The following RECQL4 variants were observed in gnomAD, a reference collection of about 807,000 sequenced individuals.
The protein encoded by RECQL4 is ATP-dependent DNA helicase Q4.
RECQL4 carries 158 observed loss-of-function variants against 128.6 expected under a neutral mutation model. The observed-to-expected ratio is 1.23, with a 90% CI of 1.08 to 1.40. The LOEUF is 1.40. RECQL4 is among the 40% of genes most tolerant of loss of function. The probability of loss-of-function intolerance (pLI) is 0.00; values close to 1 mark genes in which losing one functional copy is unlikely to be tolerated. For missense variants in RECQL4, 2,293 were observed against 1,649.8 expected (o/e 1.39, Z -6.75); for synonymous variants, 996 against 678.9 (o/e 1.47, Z -7.26).
chr8:144,515,494 G>A (rs763511491), intron 6 of RECQL4, 37 bp from the exon 7 acceptor site: 2 of 1,611,958 alleles, frequency 1.2e-6, no homozygotes, highest in Admixed American at 1.7e-5. Context: ...GGGAGCTCCA[G>A]GTCGGGCAAG....
In RECQL4 at chr8:144,517,454, C is replaced by T. The variant is rs1008942429; in HGVS notation, c.173G>A (p.Gly58Glu). The T allele has an allele frequency of 6.3e-7, 1 of 1,594,180 alleles. No homozygotes were observed. The highest frequency in any genetic ancestry group is 1.3e-5 in the African/African-American group (1 of 74,818). ...GGGGAGCGACTCGGAGCTGCGGAGC[C>T]CGCCGCCGGCCTGGCCCGTGGTACG... ...LKRTTGQAGGGLRSSESLPAA... is the reference protein window; with the variant it reads ...LKRTTGQAGGELRSSESLPAA... Residue 58 changes from glycine (G) to glutamate (E), a missense_variant, in exon 3 of 21, where the codon GGG becomes GAG. By Grantham distance (98) the Gly-to-Glu change is moderately conservative. Transcript: ENST00000617875.
intron 12 of RECQL4, 80 bp from the exon 13 acceptor site, chr8:144,513,792 GTGGGGA>G (rs1827723391): frequency 9.1e-6 from 10 of 1,094,148 alleles, no homozygotes; most frequent in Admixed American, 7.3e-5. Context: ...AGGGGTCGGC[GTGGGGA>G]GTGAGGAGGG....
rs758790200 is a variant in RECQL4 at position 144,513,409 on chromosome 8, G to C, written c.2272C>G (p.Arg758Gly). ...MCSRERRRVQ[R>G]AFMQGQLRVV... ...CGCAACTGGCCCTGCATGAAGGCTC[G>C]CTGTACCCGCCGCCGTTCCCGGCTG... is the stretch of plus-strand genomic sequence containing the variant. Residue 758 changes from arginine to glycine, a missense_variant, in exon 14 of 21, where the codon CGA becomes GGA. Coordinates refer to ENST00000617875, the MANE Select transcript of RECQL4 (RefSeq NM_004260.4). The C allele has an allele frequency of 1.9e-6, 3 of 1,608,626 alleles. No homozygotes were observed. The highest frequency in any genetic ancestry group is 2.5e-6 in the Non-Finnish European group (3 of 1,179,712).
At position 144,515,428 on chromosome 8, in the gene RECQL4, G is replaced by A. The variant is rs773561522; in HGVS notation, c.1288C>T (p.Pro430Ser). 18 of 1,612,694 alleles carry A rather than the reference G, an allele frequency of 1.1e-5. No homozygotes were observed. The highest frequency in any genetic ancestry group is 5.3e-5 in the African/African-American group (4 of 74,930). ...TGTGGTGAAGGAACCAGTGGCTCAG[G>A]CCCAACAGCATCTGTGTCTTCCTCA... ...ASEEDTDAVG[P>S]EPLVPSPQPV... The change falls in exon 7 of 21, where the codon CCT becomes TCT. Residue 430 changes from proline (P) to serine (S), a missense_variant. Transcript: ENST00000617875.
At position 144,517,356 on chromosome 8, in the gene RECQL4, C is replaced by T. The variant is rs1240363812; in HGVS notation, c.213+58G>A. 3 of 1,502,338 alleles carry T rather than the reference C, an allele frequency of 2.0e-6. No homozygotes were observed. The South Asian group carries it at 3.7e-5, about 19-fold the overall frequency. The allele number at this position is 1,502,338 out of a possible 1,614,324, so 93.1% of individuals were successfully genotyped here. On this transcript the variant is annotated intron_variant, in intron 3 of 20. Transcript: ENST00000617875. ...GCGGCCTGGCCGCGACTCCGTGGCT[C>T]CCGCCACTCCGCCAAACAGGGAAGT...
rs753386714 is a variant in RECQL4, at chr8:144,513,331, G to C, written c.2350C>G (p.Arg784Gly). The change falls in exon 14 of 21, where the codon CGG becomes GGG. Residue 784 changes from arginine to glycine, a missense_variant. Arg to Gly is a moderately radical substitution (Grantham distance 125). Coordinates refer to ENST00000617875, the MANE Select transcript of RECQL4 (RefSeq NM_004260.4). ...GGCAGCCCCAGATGCAGCACAGCCC[G>C]CACATCTGGCCGGTCCAGCCCCATC... Reference protein sequence around the residue: ...FGMGLDRPDVRAVLHLGLPPS... With the variant: ...FGMGLDRPDVGAVLHLGLPPS... The C allele has an allele frequency of 1.2e-6, 2 of 1,603,386 alleles. No individual in the cohort carries two copies. Among genetic ancestry groups the C allele is most frequent in the South Asian group, 1.1e-5 (1 of 91,014 alleles).
intron 4 of RECQL4, 32 bp from the exon 5 acceptor site, chr8:144,516,796 A>C (rs1423149425): frequency 6.6e-7 from 1 of 1,511,348 alleles, no homozygotes; most frequent in African/African-American, 1.4e-5. Flanking sequence ...AGCAGGAGGA[A>C]CTCAGGCCCC....
chr8:144,515,854 A>G lies in RECQL4; in HGVS notation c.1168T>C (p.Phe390Leu). ...KQKWRKKGEC[F>L]GGGGATVTTK... ...GTGACTGTGGCACCACCACCCCCAA[A>G]ACACTCCCCTTTCTTCCGCCACTTC... The change falls in exon 6 of 21, where the codon TTT becomes CTT. Residue 390 changes from phenylalanine to leucine, a missense_variant. Coordinates refer to ENST00000617875, the MANE Select transcript of RECQL4 (RefSeq NM_004260.4). The G allele has an allele frequency of 6.2e-7, 1 of 1,612,836 alleles. No homozygotes were observed. The highest frequency in any genetic ancestry group is 8.5e-7 in the Non-Finnish European group (1 of 1,179,764).
rs780249574 is a variant in RECQL4 at position 144,515,002 on chromosome 8, G to A, written c.1554C>T (p.Leu518=). 5.6e-6 allele frequency: 9 copies of A among 1,611,192 alleles called. No homozygotes were observed. The Admixed American group carries it at 6.7e-5, about 12-fold the overall frequency. Residue 518 remains leucine, a synonymous_variant, in exon 9 of 21, where the codon CTC becomes CTT. Coordinates refer to ENST00000617875, the MANE Select transcript of RECQL4 (RefSeq NM_004260.4). The stretch of plus-strand genomic sequence containing the variant: ...TGAGGCAGGGGCTGCGCCGGCTGTA[G>A]AGCAGCGCTGGGAGCTGGTAGCACA... ...KSLCYQLPAL[L]YSRRSPCLTL...
Position 144,512,929 on chromosome 8 carries a change from T to G in RECQL4, c.2673A>C (p.Pro891=), listed in dbSNP as rs751424598. 2 of 1,578,280 alleles carry G rather than the reference T, an allele frequency of 1.3e-6. No individual in the cohort carries two copies. Among genetic ancestry groups the G allele is most frequent in the Admixed American group, 3.7e-5 (2 of 54,744 alleles). The change falls in exon 15 of 21, where the codon CCA becomes CCC. Residue 891 remains proline, a synonymous_variant. Transcript: ENST00000617875. ...EAEQLSHQAA[P]GPRRVCMGHE... The stretch of plus-strand genomic sequence containing the variant: ...GGCCCATGCAGACCCTTCTGGGTCC[T>G]GGGGCTGCTTGGTGGCTAAGCTGCT...
chr8:144,511,881 C>T (rs372315574), intron 19 of RECQL4, 30 bp downstream of exon 19: 22 of 1,609,728 alleles, frequency 1.4e-5, no homozygotes, highest in Admixed American at 5.0e-5. Context: ...CCTGCAACCC[C>T]GATGAGCTGC....
Position 144,513,020 on chromosome 8 carries a change from G to A in RECQL4, c.2582C>T (p.Pro861Leu), listed in dbSNP as rs878854647. The A allele has an allele frequency of 7.0e-6, 11 of 1,572,170 alleles. No individual in the cohort carries two copies. The highest frequency in any genetic ancestry group is 1.4e-5 in the African/African-American group (1 of 73,942). The change falls in exon 15 of 21, where the codon CCC (proline) becomes CTC (leucine). Residue 861 changes from proline to leucine, a missense_variant. Pro to Leu is a moderately conservative substitution (Grantham distance 98, BLOSUM62 -3). Transcript: ENST00000617875. ...PACTCTCTRP[P>L]SEQEGAVGGE... The stretch of plus-strand genomic sequence containing the variant: ...ACCCACGGCCCCTTCCTGCTCCGAG[G>A]GCGGCCTGGTGCAGGTGCAGGTGCA...
intron 6 of RECQL4, 76 bp downstream of exon 6, chr8:144,515,688 A>AT (rs746169550): frequency 6.4e-7 from 1 of 1,558,942 alleles, no homozygotes; most frequent in Non-Finnish European, 8.7e-7. Context: ...TGCTTGGAAC[A>AT]TAAGTGTCCC....
At position 144,515,070 on chromosome 8, in the gene RECQL4, T is replaced by C; in HGVS notation, c.1486A>G (p.Ile496Val). Reference sequence around the variant, plus strand: ...GTAGGCAGCACCAGCAGCGTGGAGATGCCTGGATGGGGCGGGAGTCAGCAG... The same window carrying C: ...GTAGGCAGCACCAGCAGCGTGGAGACGCCTGGATGGGGCGGGAGTCAGCAG... The part of the protein sequence containing the change: ...ERAVMRILSG[I>V]STLLVLPTGA... The change falls in exon 9 of 21, where the codon ATC becomes GTC. Residue 496 changes from isoleucine (I) to valine (V), a missense_variant and splice_region_variant. Ile to Val is a conservative substitution (Grantham distance 29). Coordinates refer to ENST00000617875, the MANE Select transcript of RECQL4 (RefSeq NM_004260.4). The C allele has an allele frequency of 6.2e-7, 1 of 1,606,438 alleles. No homozygotes were observed. The highest frequency in any genetic ancestry group is 2.2e-5 in the East Asian group (1 of 44,610).
rs771401866 is a variant in RECQL4 at position 144,517,566 on chromosome 8, T to A, written c.118+36A>T. 3.3e-6 allele frequency: 5 copies of A among 1,500,234 alleles called. No individual in the cohort carries two copies. The South Asian group carries it at 6.3e-5, about 19-fold the overall frequency. The allele number at this position is 1,500,234 out of a possible 1,614,324, so 92.9% of individuals were successfully genotyped here. A position where few individuals can be genotyped will look rare whatever the true frequency, so the allele number is the denominator to read the frequency against. ...GGGGCCTGGGCCCCTGCCGACCCGG[T>A]GTCTTCTCGCCCCCGCCGCCCCGCC... On this transcript the variant is annotated intron_variant, in intron 2 of 20. Coordinates refer to ENST00000617875, the MANE Select transcript of RECQL4 (RefSeq NM_004260.4).
At position 144,513,954 on chromosome 8, in the gene RECQL4, C is replaced by G. The variant is rs780282337; in HGVS notation, c.2032G>C (p.Val678Leu). Reference protein sequence around the residue: ...APVPTNLHLSVSMDRDTDQAL... With the variant: ...APVPTNLHLSLSMDRDTDQAL... ...TGGTCTGTGTCCCTGTCCATGGACACGGAAAGGTGCAGGTTGGTGGGAACT... is the reference window on the plus strand; with the variant it reads ...TGGTCTGTGTCCCTGTCCATGGACAGGGAAAGGTGCAGGTTGGTGGGAACT... Residue 678 changes from valine (V) to leucine (L), a missense_variant, in exon 12 of 21, where the codon GTG becomes CTG. Transcript: ENST00000617875. The G allele has an allele frequency of 1.9e-6, 3 of 1,559,738 alleles. No individual in the cohort carries two copies. The highest frequency in any genetic ancestry group is 1.8e-4 in the Middle Eastern group (1 of 5,576).
rs2130712867 is a variant in RECQL4, at chr8:144,515,821, C to T, written c.1201G>A (p.Glu401Lys). 5 of 1,612,910 alleles carry T rather than the reference C, an allele frequency of 3.1e-6. No homozygotes were observed. The highest frequency in any genetic ancestry group is 4.2e-6 in the Non-Finnish European group (5 of 1,179,804). Residue 401 changes from glutamate (E) to lysine (K), a missense_variant, in exon 6 of 21, where the codon GAG becomes AAG. Transcript: ENST00000617875. ...GGGGATVTTK[E>K]SCFLNEQFDH... Reference sequence around the variant, plus strand: ...AACTGCTCGTTCAGGAAACAAGACTCCTTGGTTGTGACTGTGGCACCACCA... The same window carrying T: ...AACTGCTCGTTCAGGAAACAAGACTTCTTGGTTGTGACTGTGGCACCACCA...
In RECQL4 at chr8:144,514,277, G is replaced by C; in HGVS notation, c.1790C>G (p.Pro597Arg). Residue 597 changes from proline (P) to arginine (R), a missense_variant, in exon 11 of 21, where the codon CCT becomes CGT. Pro to Arg is a moderately radical substitution (Grantham distance 103, BLOSUM62 -2). Coordinates refer to ENST00000617875, the MANE Select transcript of RECQL4 (RefSeq NM_004260.4). ...AGGLPPAAQL[P>R]PVAFACIDEA... ...ATCAATGCAGGCAAAAGCAACTGGA[G>C]GCAGCTGTGCGGCTGGAGGGAGGCC... 2 of 1,612,046 alleles carry C rather than the reference G, an allele frequency of 1.2e-6. No individual in the cohort carries two copies. Among genetic ancestry groups the C allele is most frequent in the Non-Finnish European group, 1.7e-6 (2 of 1,179,646 alleles).
At position 144,512,513 on chromosome 8, in the gene RECQL4, T is replaced by G. The variant is rs1303439138; in HGVS notation, c.2934A>C (p.Pro978=). 3 of 1,612,540 alleles carry G rather than the reference T, an allele frequency of 1.9e-6. No homozygotes were observed. Among genetic ancestry groups the G allele is most frequent in the Non-Finnish European group, 2.5e-6 (3 of 1,179,824 alleles). ...ACTCCACGGAGCTGCTGCCTTGCCCTGGGTCCTCAGGCAGCTGCTGGGCCA... is the reference window on the plus strand; with the variant it reads ...ACTCCACGGAGCTGCTGCCTTGCCCGGGGTCCTCAGGCAGCTGCTGGGCCA... The part of the protein sequence containing the change: ...VCLAQQLPED[P]GQGSSSVEFD... Residue 978 remains proline, a synonymous_variant, in exon 17 of 21, where the codon CCA becomes CCC. Coordinates refer to ENST00000617875, the MANE Select transcript of RECQL4 (RefSeq NM_004260.4).
Sources: allele counts gnomAD v4.1 joint callset, GRCh38; gene constraint gnomAD v4.1.1; transcripts MANE v1.5; gene names NCBI Gene and HGNC (gene_info 2026-07-23, HGNC 2026-07-21).